GSE1: variants seen among roughly 807,000 people sequenced by gnomAD.
GSE1 encodes the protein genetic suppressor element 1.
In GSE1, 32 loss-of-function variants were observed where a neutral mutation model predicts 112.6. That is an observed-to-expected ratio of 0.28 (90% CI 0.21 to 0.38). The LOEUF (loss-of-function observed/expected upper bound fraction) is 0.38. Ranked by LOEUF, GSE1 falls within the 10% of genes least tolerant of loss-of-function variation. The pLI, the probability that GSE1 is intolerant of heterozygous loss-of-function variation, is 1.00. For synonymous variants in GSE1, 1,115 were observed against 735.6 expected, an observed-to-expected ratio of 1.52 and a Z score of -8.35; for missense variants, 2,348 against 1,699.2, an observed-to-expected ratio of 1.38 and a Z score of -6.71.
chr16:85,483,629 G>A (rs1056281819), intron 2 of GSE1, among the ~76,000 whole-genome samples: 2 of 152,268 alleles, frequency 1.3e-5, no homozygotes, highest in African/African-American at 4.8e-5. Context: ...AAGTGTCTCC[G>A]AGGCGGCGGG....
chr16:85,432,634 C>T (rs935834979), intron 2 of GSE1, among the ~76,000 whole-genome samples: 15 of 152,310 alleles, frequency 9.8e-5, no homozygotes, highest in African/African-American at 3.1e-4. Context: ...TTCCACGGTT[C>T]TCAGCATCTC....
Position 85,666,140 on chromosome 16 carries a change from A to T in GSE1, c.2923A>T (p.Arg975Trp). 2 of 1,613,358 alleles carry T rather than the reference A, an allele frequency of 1.2e-6. No individual in the cohort carries two copies. The highest frequency in any genetic ancestry group is 1.7e-6 in the Non-Finnish European group (2 of 1,179,988). Residue 975 changes from arginine to tryptophan, a missense_variant, in exon 13 of 16, where the codon AGG (arginine) becomes TGG (tryptophan). Physicochemically the swap from Arg to Trp is moderately radical, Grantham distance 101. Coordinates refer to ENST00000253458, the MANE Select transcript of GSE1 (RefSeq NM_014615.5). ...ELAPASGEKARLSEAPGGKKS... is the reference protein window; with the variant it reads ...ELAPASGEKAWLSEAPGGKKS... ...AGCTCCTGCCAGCGGGGAGAAGGCC[A>T]GGCTGAGCGAGGCCCCTGGAGGCAA...
At chr16:85,652,558 G>A (rs1404461377) in intron 3 of GSE1, among the ~76,000 whole-genome samples, 1 of 152,110 alleles carries the variant, frequency 6.6e-6, no homozygotes, top group Non-Finnish European at 1.5e-5. Flanking sequence ...CGGCGGCGGC[G>A]GCGGCGGCTC....
chr16:85,197,100 A>G (rs1011348142), intron 1 of GSE1, among the ~76,000 whole-genome samples: 2 of 152,136 alleles, frequency 1.3e-5, no homozygotes. Context: ...CCATTTATTG[A>G]GCACCTCCTG....
At chr16:85,560,017 G>A (rs182517801) in intron 1 of GSE1, among the ~76,000 whole-genome samples, 5 of 152,110 alleles carry the variant, frequency 3.3e-5, no homozygotes, top group Non-Finnish European at 7.4e-5. Context: ...TGAAGTTAGC[G>A]CTTGTCGAGT....
At chr16:85,429,477 A>G (rs1320214958) in intron 2 of GSE1, among the ~76,000 whole-genome samples, 1 of 152,212 alleles carries the variant, frequency 6.6e-6, no homozygotes, top group African/African-American at 2.4e-5. Flanking sequence ...GACAAGTGCG[A>G]ATCTGCTAGT....
intron 8 of GSE1, among the ~76,000 whole-genome samples, chr16:85,658,863 G>A (rs61321959): frequency 0.05 from 7,546 of 152,266 alleles, 670 homozygotes; most frequent in African/African-American, 0.17. Context: ...CCCACCCATG[G>A]ACTGCTTCCA....
At chr16:85,560,129 T>TC (rs2045444784) in intron 1 of GSE1, among the ~76,000 whole-genome samples, 1 of 19,536 alleles carries the variant, frequency 5.1e-5, no homozygotes, top group South Asian at 1.4e-3. Flanking sequence ...CTTCTTCTTC[T>TC]TTTTTTTTTT....
At chr16:85,286,053 C>G (rs1226929203) in intron 1 of GSE1, 2 of 152,420 alleles carry the variant, frequency 1.3e-5, no homozygotes, top group African/African-American at 2.4e-5. Context: ...GCGGGATGTC[C>G]CCTCATCTGG....
chr16:85,388,979 A>G (rs1210282810), intron 2 of GSE1, among the ~76,000 whole-genome samples: 1 of 152,070 alleles, frequency 6.6e-6, no homozygotes, highest in East Asian at 1.9e-4. Context: ...ATCATGAAGG[A>G]AAAAAAAGAG....
At chr16:85,516,033 C>G (rs8049268) in intron 2 of GSE1, among the ~76,000 whole-genome samples, 51,983 of 152,022 alleles carry the variant, frequency 0.34, 9,139 homozygotes, top group East Asian at 0.47. Context: ...CTGGCAGCAG[C>G]CGAGGCTGGG....
intron 2 of GSE1, among the ~76,000 whole-genome samples, chr16:85,481,347 C>G (rs1050099095): frequency 1.3e-5 from 2 of 152,202 alleles, no homozygotes; most frequent in Non-Finnish European, 2.9e-5. Context: ...TTGTACCAGG[C>G]TCAGAGGGGA....
At chr16:85,563,039 TC>T (rs904664114) in intron 1 of GSE1, among the ~76,000 whole-genome samples, 1 of 152,216 alleles carries the variant, frequency 6.6e-6, no homozygotes, top group African/African-American at 2.4e-5. Context: ...CTTGTCCCTG[TC>T]TGGGATTGTC....
intron 1 of GSE1, among the ~76,000 whole-genome samples, chr16:85,572,339 C>A (rs895020548): frequency 6.8e-6 from 1 of 146,824 alleles, no homozygotes; most frequent in East Asian, 2.1e-4. Flanking sequence ...ACACCACATA[C>A]CCCTCCACAC....
intron 2 of GSE1, among the ~76,000 whole-genome samples, chr16:85,538,188 C>T (rs566699239): frequency 9.2e-5 from 14 of 152,338 alleles, no homozygotes; most frequent in African/African-American, 3.1e-4. Context: ...CCTAGAGCCA[C>T]CTGTGGCCGC....
chr16:85,653,180 TCCCTCCGCCC>T (rs1567725320), intron 3 of GSE1, among the ~76,000 whole-genome samples: 4 of 9,806 alleles, frequency 4.1e-4, no homozygotes, highest in East Asian at 9.8e-3. Context: ...GCCCTGAGGC[TCCCTCCGCCC>T]CCCTCCTCCC....
At chr16:85,260,777 C>T (rs1051317051) in intron 1 of GSE1, among the ~76,000 whole-genome samples, 1 of 152,244 alleles carries the variant, frequency 6.6e-6, no homozygotes. Context: ...CTCTGCTTCC[C>T]TGTTGCCCCT....
intron 1 of GSE1, among the ~76,000 whole-genome samples, chr16:85,597,212 C>T (rs1217838887): frequency 1.3e-5 from 2 of 151,516 alleles, no homozygotes; most frequent in Admixed American, 6.6e-5. Context: ...CTCCTGACCT[C>T]AGGTGATCTG....
Position 85,171,187 on chromosome 16 carries a change from G to T in GSE1, c.1663G>T (p.Glu555Ter). ...CCTGTACCGGGCCTGCCAGAACGAG[G>T]AGCTCATCACCTCCGTGCAGGGCTT... is the stretch of plus-strand genomic sequence containing the variant. The change falls in exon 1 of 3, where the codon GAG becomes TAG. Residue 555 changes from glutamate to a stop codon, truncating the protein, a stop_gained. Coordinates refer to the GSE1 transcript ENST00000637419. LOFTEE classifies it high-confidence loss of function. The T allele has an allele frequency of 1.0e-6, 1 of 985,648 alleles. No individual in the cohort carries two copies. Among genetic ancestry groups the T allele is most frequent in the Non-Finnish European group, 1.2e-6 (1 of 830,098 alleles). 61.1% of individuals were successfully genotyped at this position (985,648 alleles called of 1,614,324 possible).
Sources: gnomAD v4.1 joint callset for allele counts (sites outside exome capture counted in the v4.1 genomes callset) on GRCh38, gnomAD v4.1.1 for gene constraint, MANE v1.5 for transcripts, NCBI Gene and HGNC (gene_info 2026-07-23, HGNC 2026-07-21) for gene names.